The following ABCC11 variants were observed in gnomAD, a reference collection of about 807,000 sequenced individuals.
ABCC11 encodes the protein ATP binding cassette subfamily C member 11, also known as ATP-binding cassette sub-family C member 11.
ABCC11 carries 135 observed loss-of-function variants against 149.3 expected under a neutral mutation model. That is an observed-to-expected ratio of 0.90 (90% CI 0.79 to 1.04). The LOEUF is 1.04. Ranked by LOEUF, ABCC11 falls within the 50% of genes least tolerant of loss-of-function variation. The pLI is 0.00. For missense variants in ABCC11, 1,680 were observed against 1,722.1 expected (o/e 0.98, Z 0.43); for synonymous variants, 665 against 671.4 (o/e 0.99, Z 0.15).
chr16:48,222,649 G>A lies in ABCC11; in HGVS notation c.726C>T (p.Ala242=). The part of the protein sequence containing the change: ...IRFRAAVSSF[A]FEKLIQFKSV... Reference sequence around the variant, plus strand: ...ACTTAAATTGGATGAGCTTCTCAAAGGCAAAGGAGGAAACAGCTGCTCGGA... The same window carrying A: ...ACTTAAATTGGATGAGCTTCTCAAAAGCAAAGGAGGAAACAGCTGCTCGGA... Residue 242 remains alanine (A), a synonymous_variant, in exon 6 of 30, where the codon GCC becomes GCT. Transcript: ENST00000356608. The A allele has an allele frequency of 1.2e-6, 2 of 1,614,186 alleles. No individual in the cohort carries two copies. Among genetic ancestry groups the A allele is most frequent in the Non-Finnish European group, 1.7e-6 (2 of 1,180,036 alleles).
chr16:48,177,252 T>C lies in ABCC11; in HGVS notation c.3349-139A>G, dbSNP rs1202909295. On this transcript the variant is annotated intron_variant, in intron 24 of 29. Coordinates refer to ENST00000356608, the MANE Select transcript of ABCC11 (RefSeq NM_001370497.1). ...CGCCAAGGTCAAGCCCCCTGCTGTG[T>C]AATCAGAGGAACATCGCCCGTGCCC... The C allele has an allele frequency of 7.2e-6, 6 of 838,148 alleles. No homozygotes were observed. In the Admixed American group the frequency reaches 1.5e-4, roughly 21 times the overall value. 51.9% of individuals were successfully genotyped at this position (838,148 alleles called of 1,614,324 possible).
intron 10 of ABCC11, among the ~76,000 whole-genome samples, chr16:48,212,043 A>G (rs1427651328): frequency 6.6e-6 from 1 of 152,184 alleles, no homozygotes; most frequent in Non-Finnish European, 1.5e-5. Flanking sequence ...GAAAACAGGC[A>G]CAGAAGGGGA....
chr16:48,181,903 G>A (rs572951855), intron 23 of ABCC11, among the ~76,000 whole-genome samples: 20 of 152,262 alleles, frequency 1.3e-4, no homozygotes, highest in Non-Finnish European at 2.1e-4. Flanking sequence ...GTGAGCCAAC[G>A]TGCCCCACCC....
In ABCC11 at chr16:48,224,463, C is replaced by G. The variant is rs748093766; in HGVS notation, c.396-34G>C. ...GAGGATAATGGAACTGGTGGAATCT[C>G]TTTGCATGTGACATCCAAACATCCT... On this transcript the variant is annotated intron_variant, in intron 4 of 29. Coordinates refer to ENST00000356608, the MANE Select transcript of ABCC11 (RefSeq NM_001370497.1). The G allele has an allele frequency of 2.6e-5, 41 of 1,604,654 alleles. No individual in the cohort carries two copies. In the East Asian group the frequency reaches 8.9e-4, roughly 35 times the overall value.
At chr16:48,216,484 C>T (rs1013377068) in intron 6 of ABCC11, among the ~76,000 whole-genome samples, 197 bp from the exon 7 acceptor site, 2 of 152,150 alleles carry the variant, frequency 1.3e-5, no homozygotes, top group Admixed American at 1.3e-4. Flanking sequence ...CCACTCTGAG[C>T]CTCAGCTTCT....
Position 48,182,222 on chromosome 16 carries a change from A to G in ABCC11, c.3258+2218T>C, listed in dbSNP as rs1206406550. 2.6e-5 allele frequency among the ~76,000 whole-genome samples: 4 copies of G among 152,236 alleles called. No individual in the cohort carries two copies. The East Asian group carries it at 7.7e-4, about 29-fold the overall frequency. On this transcript the variant is annotated intron_variant, in intron 23 of 29. Coordinates refer to ENST00000356608, the MANE Select transcript of ABCC11 (RefSeq NM_001370497.1). The stretch of plus-strand genomic sequence containing the variant: ...CACACACATGCACTCCAGTACATAC[A>G]TGTGCTCCTGCACATACATGCACTC...
At chr16:48,220,175 C>A (rs180829454) in intron 6 of ABCC11, among the ~76,000 whole-genome samples, 1 of 152,332 alleles carries the variant, frequency 6.6e-6, no homozygotes, top group East Asian at 1.9e-4. Flanking sequence ...CAAGCTAGGC[C>A]TTAGCACAGG....
intron 1 of ABCC11, among the ~76,000 whole-genome samples, chr16:48,235,384 G>A (rs567999624): frequency 6.6e-6 from 1 of 152,250 alleles, no homozygotes; most frequent in Non-Finnish European, 1.5e-5. Flanking sequence ...ATCTAGAAGA[G>A]TGCCCAGCAC....
rs754738967 is a variant in ABCC11 at position 48,170,207 on chromosome 16, G to T, written c.3789C>A (p.Phe1263Leu). 1.9e-6 allele frequency: 3 copies of T among 1,613,326 alleles called. No homozygotes were observed. The African/African-American group carries it at 4.0e-5, about 22-fold the overall frequency. The change falls in exon 28 of 30, where the codon TTC becomes TTA. Residue 1263 changes from phenylalanine to leucine, a missense_variant. By Grantham distance (22) the Phe-to-Leu change is conservative. Transcript: ENST00000356608. ...RTFLTKAISK[F>L]PKKLHTDVVE... is the part of the protein sequence containing the mutation. Reference sequence around the variant, plus strand: ...CCACATCTGTATGCAGCTTTTTGGGGAACTTTGAGATCTGCGATATGGGAA... The same window carrying T: ...CCACATCTGTATGCAGCTTTTTGGGTAACTTTGAGATCTGCGATATGGGAA...
At chr16:48,224,561 T>TCAGAA in intron 4 of ABCC11, 132 bp from the exon 5 acceptor site, 2 of 952,540 alleles carry the variant, frequency 2.1e-6, no homozygotes, top group African/African-American at 1.7e-5. Flanking sequence ...AGTAATCTTC[T>TCAGAA]GAGTACTCAT....
intron 11 of ABCC11, chr16:48,209,771 T>G (rs1487503595): frequency 1.3e-5 from 2 of 152,068 alleles, no homozygotes; most frequent in Non-Finnish European, 2.9e-5. Flanking sequence ...CACTAAAATC[T>G]CGACTTCACC....
At chr16:48,212,762 T>C (rs1205506287) in intron 10 of ABCC11, among the ~76,000 whole-genome samples, 2 of 152,208 alleles carry the variant, frequency 1.3e-5, no homozygotes, top group African/African-American at 4.8e-5. Context: ...GAATGAGTGA[T>C]AATAGGTCGT....
intron 1 of ABCC11, among the ~76,000 whole-genome samples, chr16:48,242,090 C>T (rs1386164959): frequency 1.3e-5 from 2 of 152,152 alleles, no homozygotes; most frequent in Non-Finnish European, 2.9e-5. Flanking sequence ...AAATAAACCA[C>T]CATCAGAGTG....
chr16:48,225,258 T>TA (rs1233637404), intron 4 of ABCC11, among the ~76,000 whole-genome samples: 3 of 152,264 alleles, frequency 2.0e-5, no homozygotes, highest in Admixed American at 6.5e-5. Flanking sequence ...AATAATTACT[T>TA]AATGGCATTT....
intron 24 of ABCC11, among the ~76,000 whole-genome samples, chr16:48,178,198 A>G (rs1031013854): frequency 2.6e-5 from 4 of 152,248 alleles, no homozygotes; most frequent in Non-Finnish European, 5.9e-5. Flanking sequence ...GGTTATTCCA[A>G]TGATTCAAAT....
At chr16:48,201,506 C>A (rs564862488) in intron 14 of ABCC11, among the ~76,000 whole-genome samples, 224 of 115,172 alleles carry the variant, frequency 1.9e-3, no homozygotes, top group Non-Finnish European at 2.8e-3. Flanking sequence ...GAGATGAGGT[C>A]TCACTATATT....
Position 48,186,937 on chromosome 16 carries a change from C to G in ABCC11, c.3071+16G>C. 6.2e-7 allele frequency: 1 copy of G among 1,613,688 alleles called. No homozygotes were observed. Among genetic ancestry groups the G allele is most frequent in the Non-Finnish European group, 8.5e-7 (1 of 1,179,834 alleles). ...CTGTGGTTCCATCATTCTCAAATGG[C>G]AGCAGAAGGACTCACTGGCTGATGA... is the stretch of plus-strand genomic sequence containing the variant. On this transcript the variant is annotated intron_variant, in intron 22 of 29. Coordinates refer to ENST00000356608, the MANE Select transcript of ABCC11 (RefSeq NM_001370497.1).
rs772645955 is a variant in ABCC11, at chr16:48,222,689, C to CGTT, written c.683_685dup (p.Gln228dup). 3 of 1,614,136 alleles carry CGTT rather than the reference C, an allele frequency of 1.9e-6. No homozygotes were observed. The highest frequency in any genetic ancestry group is 8.5e-7 in the Non-Finnish European group (1 of 1,180,030). ...AGCTGCTCGGAACCTGATGGCTGTG[C>CGTT]GTTGGTTGATGATCCAACTGGAGGA... On this transcript the variant is annotated inframe_insertion, in exon 6 of 30. Coordinates refer to ENST00000356608, the MANE Select transcript of ABCC11 (RefSeq NM_001370497.1).
chr16:48,177,051 C>A lies in ABCC11; in HGVS notation c.3411G>T (p.Gln1137His), dbSNP rs746672566. The A allele has an allele frequency of 1.2e-6, 2 of 1,614,100 alleles. No individual in the cohort carries two copies. Among genetic ancestry groups the A allele is most frequent in the East Asian group, 4.5e-5 (2 of 44,892 alleles). ...EGTSCPQGWP[Q>H]HGEIIFQDYH... is the part of the protein sequence containing the mutation. ...AATCCTGAAATATGATTTCCCCATG[C>A]TGTGGCCACCCCTGGGGACAACTTG... The change falls in exon 25 of 30, where the codon CAG becomes CAT. Residue 1137 changes from glutamine to histidine, a missense_variant. Transcript: ENST00000356608.
Sources: allele counts gnomAD v4.1 joint callset (sites outside exome capture counted in the v4.1 genomes callset), GRCh38; gene constraint gnomAD v4.1.1; transcripts MANE v1.5; gene names NCBI Gene and HGNC (gene_info 2026-07-23, HGNC 2026-07-21).